Variants in PIK3R5 observed in about 807,000 individuals in gnomAD.
The protein encoded by PIK3R5 is phosphoinositide 3-kinase regulatory subunit 5.
PIK3R5 carries 32 observed loss-of-function variants against 94.9 expected under a neutral mutation model. The observed-to-expected ratio is 0.34, with a 90% CI of 0.25 to 0.45. The LOEUF (loss-of-function observed/expected upper bound fraction) is 0.45, where lower values mean the gene tolerates loss of function less well. PIK3R5 is among the 20% of genes least tolerant of loss of function. The pLI, the probability that PIK3R5 is intolerant of heterozygous loss-of-function variation, is 1.00. For synonymous variants in PIK3R5, 443 were observed against 479.4 expected, an observed-to-expected ratio of 0.92 and a Z score of 0.99; for missense variants, 853 against 1,144.6, an observed-to-expected ratio of 0.75 and a Z score of 3.68.
intron 3 of PIK3R5, among the ~76,000 whole-genome samples, chr17:8,907,642 A>AAAG (rs1555548411): frequency 6.0e-5 from 9 of 150,746 alleles, no homozygotes; most frequent in African/African-American, 1.7e-4. Flanking sequence ...AAAAAAAAAA[A>AAAG]AGAGAGAGAG....
chr17:8,942,684 C>A (rs577814766), intron 1 of PIK3R5, among the ~76,000 whole-genome samples: 1 of 138,996 alleles, frequency 7.2e-6, no homozygotes, highest in Admixed American at 7.0e-5. Flanking sequence ...CTGCTCACTG[C>A]AAGCTCCGCC....
At chr17:8,885,139 C>A (rs1374508774) in intron 14 of PIK3R5, 1 of 281,150 alleles carries the variant, frequency 3.6e-6, no homozygotes, top group Non-Finnish European at 6.9e-6. Flanking sequence ...CTCTCCAGGG[C>A]CCCACCTCCT....
chr17:8,961,507 C>G (rs542678512), intron 1 of PIK3R5, among the ~76,000 whole-genome samples: 1 of 152,164 alleles, frequency 6.6e-6, no homozygotes, highest in South Asian at 2.1e-4. Flanking sequence ...TGGAAGCGGG[C>G]GCCTGTAACT....
Position 8,909,158 on chromosome 17 carries a change from G to A in PIK3R5, c.120C>T (p.Asn40=), listed in dbSNP as rs376510049. ...TGACCAGCTCCTGCAGGCTCCAGCAGTTCAGACACAGCCCAGCTGGAAAAG... is the reference window on the plus strand; with the variant it reads ...TGACCAGCTCCTGCAGGCTCCAGCAATTCAGACACAGCCCAGCTGGAAAAG... ...STSWSAGLCL[N]CWSLQELVSR... The change falls in exon 3 of 19, where the codon AAC becomes AAT. Residue 40 remains asparagine, a synonymous_variant. Transcript: ENST00000447110. This position sits in a 1 kb window ranked among gnomAD's most constrained non-coding sequence, Gnocchi z 4.3. 6.2e-7 allele frequency: 1 copy of A among 1,601,162 alleles called. No homozygotes were observed. The highest frequency in any genetic ancestry group is 1.3e-5 in the African/African-American group (1 of 74,412).
intron 1 of PIK3R5, among the ~76,000 whole-genome samples, chr17:8,936,768 AGAAT>A (rs1288722586): frequency 6.6e-6 from 1 of 152,218 alleles, no homozygotes; most frequent in African/African-American, 2.4e-5. Context: ...TATAAGTGTT[AGAAT>A]GAGTTTGTCA....
At chr17:8,899,713 G>A (rs1300210139) in intron 5 of PIK3R5, among the ~76,000 whole-genome samples, 1 of 152,138 alleles carries the variant, frequency 6.6e-6, no homozygotes, top group Non-Finnish European at 1.5e-5. Flanking sequence ...GGGGGTGGGA[G>A]GGACTCAGGA....
chr17:8,960,781 A>G (rs1388603776), intron 1 of PIK3R5, among the ~76,000 whole-genome samples: 1 of 152,106 alleles, frequency 6.6e-6, no homozygotes, highest in Admixed American at 6.5e-5. Context: ...TGCCTAGGTC[A>G]ACAACAACAA....
At chr17:8,901,062 G>C (rs370854159) in intron 5 of PIK3R5, among the ~76,000 whole-genome samples, 9 of 152,210 alleles carry the variant, frequency 5.9e-5, no homozygotes, top group East Asian at 1.9e-4. Flanking sequence ...TCCTAGCAAA[G>C]GAACTTCAGT....
At chr17:8,939,646 C>T (rs963449921) in intron 1 of PIK3R5, among the ~76,000 whole-genome samples, 1 of 152,196 alleles carries the variant, frequency 6.6e-6, no homozygotes, top group African/African-American at 2.4e-5. Flanking sequence ...ACTGATATGA[C>T]TGTGGTTTTT....
chr17:8,922,307 C>A (rs1272178960), intron 1 of PIK3R5, among the ~76,000 whole-genome samples: 1 of 152,034 alleles, frequency 6.6e-6, no homozygotes, highest in African/African-American at 2.4e-5. Context: ...TTATCAATCC[C>A]CATTGTCTTG....
At position 8,938,047 on chromosome 17, in the gene PIK3R5, G is replaced by C. The variant is rs7219340; in HGVS notation, c.-13-26540C>G. ...GCTGGTCTTGAACGCCTGACCTCAG[G>C]TGATCTGCCTGCCTCAGTCTCCTAA... is the stretch of plus-strand genomic sequence containing the variant. On this transcript the variant is annotated intron_variant, in intron 1 of 18. Transcript: ENST00000447110. Among the ~76,000 whole-genome samples, 981 of 152,298 alleles carry C rather than the reference G, an allele frequency of 6.4e-3. 14 individuals are homozygous for C. The highest frequency in any genetic ancestry group is 0.021 in the African/African-American group (855 of 41,568).
intron 1 of PIK3R5, among the ~76,000 whole-genome samples, chr17:8,931,031 GA>G (rs2090977554): frequency 6.6e-6 from 1 of 152,174 alleles, no homozygotes; most frequent in Non-Finnish European, 1.5e-5. Context: ...AGCAAACTGA[GA>G]AAAGGGTACA....
intron 1 of PIK3R5, among the ~76,000 whole-genome samples, chr17:8,960,767 C>T (rs769566250): frequency 6.2e-4 from 94 of 152,202 alleles, no homozygotes; most frequent in African/African-American, 2.1e-3. Flanking sequence ...CACACAAGCT[C>T]ATTTGCCTAG....
rs769555964 is a variant in PIK3R5, at chr17:8,888,797, C to T, written c.990G>A (p.Val330=). The T allele has an allele frequency of 6.2e-6, 10 of 1,612,048 alleles. No individual in the cohort carries two copies. In the East Asian group the frequency reaches 2.2e-4, roughly 36 times the overall value. The part of the protein sequence containing the change: ...DEEEEEEEEE[V]EEDLETDGHC... ...GCCCGTCAGTTTCCAAGTCCTCCTCCACCTCCTCCTCCTCCTCTTCCTCCT... is the reference window on the plus strand; with the variant it reads ...GCCCGTCAGTTTCCAAGTCCTCCTCTACCTCCTCCTCCTCCTCTTCCTCCT... Residue 330 remains valine (V), a synonymous_variant, in exon 10 of 19, where the codon GTG becomes GTA. Coordinates refer to ENST00000447110, the MANE Select transcript of PIK3R5 (RefSeq NM_001142633.3). The surrounding 1 kb of genome is among the most constrained non-coding windows in gnomAD (Gnocchi z 7.8).
At position 8,892,983 on chromosome 17, in the gene PIK3R5, T is replaced by C. The variant is rs953836250; in HGVS notation, c.482+603A>G. Reference sequence around the variant, plus strand: ...AAATCATCTGGGGAGCCAAATTTGTTTCTTAAATGAAATAGAATAGAACAG... The same window carrying C: ...AAATCATCTGGGGAGCCAAATTTGTCTCTTAAATGAAATAGAATAGAACAG... On this transcript the variant is annotated intron_variant, in intron 6 of 18. Transcript: ENST00000447110. The surrounding 1 kb of genome is among the most constrained non-coding windows in gnomAD (Gnocchi z 4.3). Among the ~76,000 whole-genome samples the C allele has an allele frequency of 4.6e-5, 7 of 152,024 alleles. No homozygotes were observed. The highest frequency in any genetic ancestry group is 1.7e-4 in the African/African-American group (7 of 41,390).
In PIK3R5 at chr17:8,888,045, A is replaced by T. The variant is rs1282035829; in HGVS notation, c.1616+126T>A. On this transcript the variant is annotated intron_variant, in intron 10 of 18. Coordinates refer to ENST00000447110, the MANE Select transcript of PIK3R5 (RefSeq NM_001142633.3). The surrounding 1 kb of genome is among the most constrained non-coding windows in gnomAD (Gnocchi z 7.8). ...TAATAATAATAATAATAATAATAATAATAAAATAAAAATAAATAAGGGAAC... is the reference window on the plus strand; with the variant it reads ...TAATAATAATAATAATAATAATAATTATAAAATAAAAATAAATAAGGGAAC... The T allele has an allele frequency of 2.7e-5, 8 of 299,492 alleles. No individual in the cohort carries two copies. The highest frequency in any genetic ancestry group is 4.7e-5 in the Non-Finnish European group (8 of 168,816). 18.6% of individuals were successfully genotyped at this position (299,492 alleles called of 1,614,324 possible).
At chr17:8,944,160 T>C (rs2091235064) in intron 1 of PIK3R5, among the ~76,000 whole-genome samples, 1 of 152,180 alleles carries the variant, frequency 6.6e-6, no homozygotes, top group East Asian at 1.9e-4. Context: ...TGTTCCTGCA[T>C]TAGTTTGCTA....
At chr17:8,924,541 T>C (rs762158350) in intron 1 of PIK3R5, among the ~76,000 whole-genome samples, 3 of 152,190 alleles carry the variant, frequency 2.0e-5, no homozygotes, top group Non-Finnish European at 4.4e-5. Flanking sequence ...TCCAATCCAT[T>C]ATCTTTTCCC....
At chr17:8,941,528 C>T (rs188760382) in intron 1 of PIK3R5, among the ~76,000 whole-genome samples, 1 of 152,312 alleles carries the variant, frequency 6.6e-6, no homozygotes, top group East Asian at 1.9e-4. Flanking sequence ...CACCAGCAGC[C>T]CCAATGTTTC....
Sources: allele counts gnomAD v4.1 joint callset (sites outside exome capture counted in the v4.1 genomes callset), GRCh38; gene constraint gnomAD v4.1.1; non-coding constraint Gnocchi (gnomAD v3.1); transcripts MANE v1.5; gene names NCBI Gene and HGNC (gene_info 2026-07-23, HGNC 2026-07-21).